FRG1: variants seen among roughly 807,000 people sequenced by gnomAD.
FRG1 encodes FSHD region gene 1, also known as protein FRG1.
A neutral mutation model predicts 37.0 loss-of-function variants in FRG1; 19 were observed. That is an observed-to-expected ratio of 0.51 (90% confidence interval 0.36 to 0.75). The LOEUF (loss-of-function observed/expected upper bound fraction) is 0.75. Ranked by LOEUF, FRG1 falls within the 30% of genes least tolerant of loss-of-function variation. The probability of loss-of-function intolerance (pLI) is 0.00; values close to 1 mark genes in which losing one functional copy is unlikely to be tolerated. For missense variants in FRG1, 243 were observed against 301.4 expected, an observed-to-expected ratio of 0.81 and a Z score of 1.44; for synonymous variants, 73 against 96.5, an observed-to-expected ratio of 0.76 and a Z score of 1.43.
intron 2 of FRG1, among the ~76,000 whole-genome samples, chr4:189,948,620 A>G (rs1314617501): frequency 6.6e-6 from 1 of 152,152 alleles, no homozygotes; most frequent in African/African-American, 2.4e-5. Flanking sequence ...GCTGTCACAC[A>G]GCCTTGATGC....
At chr4:189,941,795 C>A (rs928615388) in intron 1 of FRG1, 1 of 401,148 alleles carries the variant, frequency 2.5e-6, no homozygotes, top group Non-Finnish European at 4.9e-6. Flanking sequence ...GAAAAAATAC[C>A]TGTGCACTCA....
chr4:189,943,223 T>C lies in FRG1; in HGVS notation c.84T>C (p.Asp28=), dbSNP rs373444578. The C allele has an allele frequency of 6.2e-7, 1 of 1,604,174 alleles. No homozygotes were observed. The highest frequency in any genetic ancestry group is 1.7e-5 in the Admixed American group (1 of 59,526). Reference sequence around the variant, plus strand: ...GTAGTAAGAAGAAAAAGAGCAAAGATAAGAAAAGAAAAAGAGAAGAAGATG... The same window carrying C: ...GTAGTAAGAAGAAAAAGAGCAAAGACAAGAAAAGAAAAAGAGAAGAAGATG... The part of the protein sequence containing the change: ...KTKSKKKKSK[D]KKRKREEDEE... Residue 28 remains aspartate, a synonymous_variant, in exon 2 of 9, where the codon GAT becomes GAC. Transcript: ENST00000226798.
chr4:189,948,825 G>A (rs1037666187), intron 2 of FRG1, among the ~76,000 whole-genome samples: 27 of 152,386 alleles, frequency 1.8e-4, no homozygotes, highest in Admixed American at 1.1e-3. Context: ...CGAGTAGCTG[G>A]GACCACAGGC....
chr4:189,954,328 T>C (rs1035443761), intron 4 of FRG1, among the ~76,000 whole-genome samples: 1 of 152,118 alleles, frequency 6.6e-6, no homozygotes, highest in African/African-American at 2.4e-5. Context: ...GATCCAGTTA[T>C]TTCTAGGAAT....
At position 189,941,071 on chromosome 4, in the gene FRG1, G is replaced by C. The variant is rs1323161869; in HGVS notation, c.62G>C (p.Ser21Thr). Residue 21 changes from serine (S) to threonine (T), a missense_variant and splice_region_variant, in exon 1 of 9, where the codon AGT becomes ACT. Physicochemically the swap from Ser to Thr is moderately conservative, Grantham distance 58. Coordinates refer to ENST00000226798, the MANE Select transcript of FRG1 (RefSeq NM_004477.3). ...GTGCTCAAGGGAACCAAGACGAAGA[G>C]GTGGGTCCTGCAGCTTGGGCGGGAG... is the stretch of plus-strand genomic sequence containing the variant. ...KLVLKGTKTKSKKKKSKDKKR... is the reference protein window; with the variant it reads ...KLVLKGTKTKTKKKKSKDKKR... 3 of 1,613,852 alleles carry C rather than the reference G, an allele frequency of 1.9e-6. No individual in the cohort carries two copies.
chr4:189,940,903 T>G lies in FRG1; in HGVS notation c.-107T>G, dbSNP rs943172158. ...TACAGAGACGTAGGCTGTCAGGGAG[T>G]GTTTATTTCGCGTCCGCTTCTGTTT... On this transcript the variant is annotated 5_prime_UTR_variant, in exon 1 of 9. Transcript: ENST00000226798. The G allele has an allele frequency of 4.1e-5, 31 of 764,686 alleles. No homozygotes were observed. Among genetic ancestry groups the G allele is most frequent in the Non-Finnish European group, 6.4e-5 (29 of 451,984 alleles). 47.4% of individuals were successfully genotyped at this position (764,686 alleles called of 1,614,324 possible).
rs1737165949 is a variant in FRG1 at position 189,960,109 on chromosome 4, C to A, written c.538-639C>A. 1.3e-5 allele frequency among the ~76,000 whole-genome samples: 2 copies of A among 152,170 alleles called. 1 individual carries two copies. The highest frequency in any genetic ancestry group is 4.1e-4 in the South Asian group (2 of 4,822). On this transcript the variant is annotated intron_variant, in intron 6 of 8. Coordinates refer to ENST00000226798, the MANE Select transcript of FRG1 (RefSeq NM_004477.3). ...TTATTTGTCATCACTTTCTAAGCAG[C>A]CCTGGAACTGGACTCTGGCCACAGA... is the stretch of plus-strand genomic sequence containing the variant.
rs1737310297 is a variant in FRG1 at position 189,963,157 on chromosome 4, T to C, written c.*28T>C. The C allele has an allele frequency of 2.5e-6, 4 of 1,600,216 alleles. No homozygotes were observed. The highest frequency in any genetic ancestry group is 1.3e-5 in the African/African-American group (1 of 74,574). On this transcript the variant is annotated 3_prime_UTR_variant, in exon 9 of 9. Coordinates refer to ENST00000226798, the MANE Select transcript of FRG1 (RefSeq NM_004477.3). ...GGGATTTTTGTTTCTGCCTTATCTT[T>C]CTGTGTTTTTTTCTGAATAAAATAT...
Position 189,940,884 on chromosome 4 carries a change from G to A in FRG1, c.-126G>A, listed in dbSNP as rs1736246010. 1 of 677,432 alleles carries A rather than the reference G, an allele frequency of 1.5e-6. No homozygotes were observed. Among genetic ancestry groups the A allele is most frequent in the Non-Finnish European group, 2.6e-6 (1 of 383,980 alleles). 42.0% of individuals were successfully genotyped at this position (677,432 alleles called of 1,614,324 possible). A position where few individuals can be genotyped will look rare whatever the true frequency, so the allele number is the denominator to read the frequency against. ...TGAAGACGGAGGCGGGTTCTACAGA[G>A]ACGTAGGCTGTCAGGGAGTGTTTAT... On this transcript the variant is annotated 5_prime_UTR_variant, in exon 1 of 9. Coordinates refer to ENST00000226798, the MANE Select transcript of FRG1 (RefSeq NM_004477.3).
In FRG1 at chr4:189,961,943, ATTTAC is replaced by A. The variant is rs2126826633; in HGVS notation, c.740+14_740+18del. On this transcript the variant is annotated intron_variant, in intron 8 of 8. Coordinates refer to ENST00000226798, the MANE Select transcript of FRG1 (RefSeq NM_004477.3). ...GACGCTTCTGGACAGGTAGCTATTT[ATTTAC>A]TTATTTCCACTATTTTCAGTAGCCA... The A allele has an allele frequency of 7.2e-7, 1 of 1,388,266 alleles. No individual in the cohort carries two copies. Among genetic ancestry groups the A allele is most frequent in the East Asian group, 2.4e-5 (1 of 41,738 alleles). The allele number at this position is 1,388,266 out of a possible 1,614,324, so 86.0% of individuals were successfully genotyped here. A position where few individuals can be genotyped will look rare whatever the true frequency, so the allele number is the denominator to read the frequency against.
In FRG1 at chr4:189,941,081, G is replaced by A. The variant is rs1208960822; in HGVS notation, c.62+10G>A. The A allele has an allele frequency of 5.6e-6, 9 of 1,613,024 alleles. No homozygotes were observed. The African/African-American group carries it at 1.1e-4, about 19-fold the overall frequency. Reference sequence around the variant, plus strand: ...GAACCAAGACGAAGAGGTGGGTCCTGCAGCTTGGGCGGGAGCCTCCTCCGT... The same window carrying A: ...GAACCAAGACGAAGAGGTGGGTCCTACAGCTTGGGCGGGAGCCTCCTCCGT... On this transcript the variant is annotated intron_variant, in intron 1 of 8. Transcript: ENST00000226798.
chr4:189,956,231 A>C (rs1423823364), intron 5 of FRG1, among the ~76,000 whole-genome samples: 1 of 151,582 alleles, frequency 6.6e-6, no homozygotes, highest in Admixed American at 6.6e-5. Context: ...CCCGCCCCCC[A>C]TACCGTACAG....
At chr4:189,944,223 C>G (rs889715191) in intron 2 of FRG1, among the ~76,000 whole-genome samples, 36 of 152,250 alleles carry the variant, frequency 2.4e-4, no homozygotes, top group African/African-American at 7.0e-4. Flanking sequence ...GTCTCCCAAG[C>G]TGGAATGCAG....
Position 189,948,115 on chromosome 4 carries a change from C to A in FRG1, c.134-4047C>A, listed in dbSNP as rs547101902. 9.2e-5 allele frequency among the ~76,000 whole-genome samples: 14 copies of A among 152,236 alleles called. No individual in the cohort carries two copies. In the South Asian group the frequency reaches 2.7e-3, roughly 29 times the overall value. ...GCGTCTTTTTCTCTTTGTCCTTCCA[C>A]ATGGTTTTGCATTGTGGATTTTCTA... On this transcript the variant is annotated intron_variant, in intron 2 of 8. Coordinates refer to ENST00000226798, the MANE Select transcript of FRG1 (RefSeq NM_004477.3).
intron 6 of FRG1, among the ~76,000 whole-genome samples, chr4:189,957,704 G>A (rs1206184214): frequency 6.6e-6 from 1 of 152,128 alleles, no homozygotes; most frequent in Non-Finnish European, 1.5e-5. Flanking sequence ...AGAAATGAGT[G>A]CATCTAGGAG....
chr4:189,955,919 G>A (rs1273571195), intron 5 of FRG1, among the ~76,000 whole-genome samples: 2 of 152,158 alleles, frequency 1.3e-5, no homozygotes, highest in Non-Finnish European at 2.9e-5. Flanking sequence ...ATACACTAAT[G>A]AATTGAAAAT....
In FRG1 at chr4:189,942,268, T is replaced by G. The variant is rs180997197; in HGVS notation, c.63-934T>G. On this transcript the variant is annotated intron_variant, in intron 1 of 8. Transcript: ENST00000226798. ...CATAATTATAAAATTCACCCTTTTG[T>G]ACAGTCAGGGGTTTTTAGTATATAT... Among the ~76,000 whole-genome samples, 1,056 of 152,292 alleles carry G rather than the reference T, an allele frequency of 6.9e-3. 21 individuals carry two copies. Among genetic ancestry groups the G allele is most frequent in the African/African-American group, 0.024 (1,016 of 41,548 alleles).
At chr4:189,959,933 G>A (rs1737158765) in intron 6 of FRG1, 10 of 959,108 alleles carry the variant, frequency 1.0e-5, no homozygotes, top group African/African-American at 1.8e-5. Context: ...GTAGCCTTGT[G>A]TTACCTCTGT....
rs2411529 is a variant in FRG1 at position 189,940,987 on chromosome 4, C to T, written c.-23C>T. On this transcript the variant is annotated 5_prime_UTR_variant, in exon 1 of 9. Coordinates refer to ENST00000226798, the MANE Select transcript of FRG1 (RefSeq NM_004477.3). ...TCGTCCAGAACCGGCCTCAGCCTCT[C>T]CGCGCAGAAGTTTCCCGGAGCCATG... The T allele has an allele frequency of 0.033, 53,244 of 1,607,734 alleles. 8,627 individuals carry two copies. In the African/African-American group the frequency reaches 0.45, roughly 14 times the overall value.
Sources: gnomAD v4.1 joint callset for allele counts (sites outside exome capture counted in the v4.1 genomes callset) on GRCh38, gnomAD v4.1.1 for gene constraint, MANE v1.5 for transcripts, NCBI Gene and HGNC (gene_info 2026-07-23, HGNC 2026-07-21) for gene names.